RIPPLY3: variants seen among roughly 807,000 people sequenced by gnomAD.
RIPPLY3 encodes protein ripply3.
RIPPLY3 carries 8 observed loss-of-function variants against 11.9 expected under a neutral mutation model. That is an observed-to-expected ratio of 0.67 (90% CI 0.40 to 1.21). RIPPLY3 has a LOEUF of 1.21. Among genes scored for constraint, RIPPLY3 ranks in the 50% most tolerant of loss-of-function variants. RIPPLY3 has a pLI of 0.01. For missense variants in RIPPLY3, 271 were observed against 246.0 expected (o/e 1.10, Z -0.68); for synonymous variants, 102 against 99.0 (o/e 1.03, Z -0.18).
upstream of RIPPLY3, chr21:37,006,647 T>A: frequency 1.9e-6 from 1 of 514,884 alleles, no homozygotes; most frequent in East Asian, 3.9e-5. The surrounding 1 kb of genome is among the most constrained non-coding windows in gnomAD (Gnocchi z 5.2). Flanking sequence ...CTCCCAGCGC[T>A]TGCCCGCGCC....
At chr21:37,006,536 C>T, upstream of RIPPLY3, 1 of 350,682 alleles carries the variant, frequency 2.9e-6, no homozygotes, top group Non-Finnish European at 5.1e-6. The surrounding 1 kb of genome is among the most constrained non-coding windows in gnomAD (Gnocchi z 5.2). Context: ...TGGTCCCCTC[C>T]CGGAACTTCT....
chr21:37,010,796 G>A (rs910116319), intron 2 of RIPPLY3, among the ~76,000 whole-genome samples: 2 of 152,164 alleles, frequency 1.3e-5, no homozygotes, highest in Non-Finnish European at 2.9e-5. Flanking sequence ...GGGAGGAGAA[G>A]GCTGACCCCC....
chr21:37,017,762 G>A (rs1008097847), intron 3 of RIPPLY3, 112 bp from the exon 4 acceptor site: 2 of 851,542 alleles, frequency 2.3e-6, no homozygotes. Flanking sequence ...TGAAGGCAAA[G>A]ACCAGAAAGG....
rs895853940 is a variant in RIPPLY3 at position 37,007,400 on chromosome 21, C to CTTTTTTTTTTTTTTTTTTTT, written c.104+531_104+550dup. Among the ~76,000 whole-genome samples, 5 of 86,296 alleles carry CTTTTTTTTTTTTTTTTTTTT rather than the reference C, an allele frequency of 5.8e-5. 1 individual carries two copies. The highest frequency in any genetic ancestry group is 2.0e-4 in the African/African-American group (4 of 19,894). The allele number at this position is 86,296 out of a possible 152,430, so 56.6% of individuals were successfully genotyped here. On this transcript the variant is annotated intron_variant, in intron 1 of 3. Coordinates refer to ENST00000329553, the MANE Select transcript of RIPPLY3 (RefSeq NM_018962.3). ...TAGCCAGGCAGGAGAAAGATTCCCT[C>CTTTTTTTTTTTTTTTTTTTT]TTTTTTTTTTTTTTTTTTTTTTTTT...
chr21:37,009,336 A>G lies in RIPPLY3; in HGVS notation c.171+1113A>G, dbSNP rs142374586. 2.3e-3 allele frequency among the ~76,000 whole-genome samples: 357 copies of G among 152,104 alleles called. 2 individuals are homozygous for G. The highest frequency in any genetic ancestry group is 0.021 in the Admixed American group (314 of 15,262). On this transcript the variant is annotated intron_variant, in intron 2 of 3. Transcript: ENST00000329553. ...GTGTTATATGGACTAACGTGCAGTT[A>G]TTTGTAATATGGTAAGAAAACTTGA...
Position 37,013,593 on chromosome 21 carries a change from G to A in RIPPLY3, c.214G>A (p.Ala72Thr). The A allele has an allele frequency of 6.2e-7, 1 of 1,613,788 alleles. No individual in the cohort carries two copies. The change falls in exon 3 of 4, where the codon GCC becomes ACC. Residue 72 changes from alanine to threonine, a missense_variant. Transcript: ENST00000329553. The part of the protein sequence containing the change: ...ADQHTFGSKG[A>T]FGFQHPVRVY... ...CCAACACACTTTTGGATCAAAGGGA[G>A]CCTTTGGGTTTCAGCATCCTGTAAG...
intron 3 of RIPPLY3, 94 bp from the exon 4 acceptor site, chr21:37,017,780 G>C (rs1410650943): frequency 1.2e-5 from 11 of 950,866 alleles, no homozygotes; most frequent in South Asian, 1.7e-5. Context: ...AGGAAGACTG[G>C]GGAGTTCTCT....
At position 37,018,205 on chromosome 21, in the gene RIPPLY3, T is replaced by A; in HGVS notation, c.571T>A (p.Ter191ArgextTer103). 2 of 1,612,090 alleles carry A rather than the reference T, an allele frequency of 1.2e-6. No homozygotes were observed. Residue 191 changes from the stop codon to arginine, a stop_lost, in exon 4 of 4, where the codon TGA becomes AGA. Coordinates refer to ENST00000329553, the MANE Select transcript of RIPPLY3 (RefSeq NM_018962.3). The part of the protein sequence containing the change: ...SRGGKCSSSK[*>R] ...GGGTGGCAAGTGCTCCTCATCCAAA[T>A]GAATCAGTCTCTGTCTCCTGGGCCC...
chr21:37,016,178 C>T (rs2069576080), intron 3 of RIPPLY3, among the ~76,000 whole-genome samples: 1 of 152,028 alleles, frequency 6.6e-6, no homozygotes, highest in African/African-American at 2.4e-5. Flanking sequence ...AACCTCAGCA[C>T]TATTGGCACT....
chr21:37,016,750 G>A (rs1268071688), intron 3 of RIPPLY3, among the ~76,000 whole-genome samples: 1 of 152,186 alleles, frequency 6.6e-6, no homozygotes, highest in Admixed American at 6.5e-5. Flanking sequence ...GGAGATGCTT[G>A]AGCCCAGGAT....
chr21:37,011,219 G>C (rs996623100), intron 2 of RIPPLY3, among the ~76,000 whole-genome samples: 3 of 152,202 alleles, frequency 2.0e-5, no homozygotes, highest in African/African-American at 7.2e-5. Context: ...GGCCAGGCTG[G>C]TCTCGAACTC....
Position 37,013,585 on chromosome 21 carries a change from C to T in RIPPLY3, c.206C>T (p.Ser69Leu), listed in dbSNP as rs757208000. The change falls in exon 3 of 4, where the codon TCA becomes TTA. Residue 69 changes from serine (S) to leucine (L), a missense_variant. Transcript: ENST00000329553. ...AGGGCTGACCAACACACTTTTGGAT[C>T]AAAGGGAGCCTTTGGGTTTCAGCAT... ...EPRADQHTFGSKGAFGFQHPV... is the reference protein window; with the variant it reads ...EPRADQHTFGLKGAFGFQHPV... 8 of 1,613,780 alleles carry T rather than the reference C, an allele frequency of 5.0e-6. No individual in the cohort carries two copies. Among genetic ancestry groups the T allele is most frequent in the Middle Eastern group, 1.7e-4 (1 of 6,056 alleles).
chr21:37,015,690 T>A (rs1315561178), intron 3 of RIPPLY3, among the ~76,000 whole-genome samples: 2 of 151,880 alleles, frequency 1.3e-5, no homozygotes, highest in Non-Finnish European at 2.9e-5. Context: ...CGCAACTATG[T>A]TGTTGTTGTT....
chr21:37,013,825 A>G (rs2069551199), intron 3 of RIPPLY3, among the ~76,000 whole-genome samples: 1 of 152,212 alleles, frequency 6.6e-6, no homozygotes, highest in Admixed American at 6.5e-5. Flanking sequence ...TGTTTTCTAC[A>G]AAGTGCAATT....
intron 3 of RIPPLY3, 133 bp from the exon 4 acceptor site, chr21:37,017,741 T>C: frequency 1.4e-6 from 1 of 735,386 alleles, no homozygotes. Context: ...TGACTTAAAT[T>C]CTGTGTGTTG....
chr21:37,014,509 C>T (rs1280792539), intron 3 of RIPPLY3, among the ~76,000 whole-genome samples: 2 of 151,998 alleles, frequency 1.3e-5, no homozygotes, highest in South Asian at 2.1e-4. Context: ...AGGATTTCTG[C>T]CTGTCTCTCT....
intron 2 of RIPPLY3, among the ~76,000 whole-genome samples, chr21:37,009,328 G>A (rs1487467680): frequency 4.0e-5 from 6 of 151,734 alleles, no homozygotes; most frequent in Admixed American, 3.9e-4. Context: ...ATGGACTAAC[G>A]TGCAGTTATT....
intron 1 of RIPPLY3, 33 bp from the exon 2 acceptor site, chr21:37,008,124 G>A: frequency 6.2e-7 from 1 of 1,612,048 alleles, no homozygotes; most frequent in Middle Eastern, 1.7e-4. Flanking sequence ...GAAGTGCCCA[G>A]GGTTCACTCT....
intron 3 of RIPPLY3, among the ~76,000 whole-genome samples, chr21:37,014,327 A>G (rs1013183456): frequency 9.2e-5 from 14 of 152,228 alleles, no homozygotes; most frequent in African/African-American, 3.4e-4. Context: ...TCCAAAAAAA[A>G]AAATCTATGT....
Sources: allele counts gnomAD v4.1 joint callset (sites outside exome capture counted in the v4.1 genomes callset), GRCh38; gene constraint gnomAD v4.1.1; non-coding constraint Gnocchi (gnomAD v3.1); transcripts MANE v1.5; gene names NCBI Gene and HGNC (gene_info 2026-07-23, HGNC 2026-07-21).